Variants in GAS7 observed in about 807,000 individuals in gnomAD.
The protein encoded by GAS7 is growth arrest-specific protein 7.
Under a neutral mutation model 71.1 loss-of-function variants are expected in GAS7, and 28 were observed. That is an observed-to-expected ratio of 0.39 (90% CI 0.29 to 0.54). The LOEUF (loss-of-function observed/expected upper bound fraction) is 0.54, where lower values mean the gene tolerates loss of function less well. Ranked by LOEUF, GAS7 falls within the 20% of genes least tolerant of loss-of-function variation. The pLI is 0.62. For synonymous variants in GAS7, 258 were observed against 245.8 expected (o/e 1.05, Z -0.46); for missense variants, 436 against 627.8 (o/e 0.69, Z 3.27).
chr17:10,141,325 G>C (rs1008591923), intron 1 of GAS7, among the ~76,000 whole-genome samples: 8 of 152,174 alleles, frequency 5.3e-5, no homozygotes, highest in Admixed American at 5.2e-4. Context: ...GCGGGAGCCT[G>C]TAGTCCCAGC....
intron 1 of GAS7, among the ~76,000 whole-genome samples, chr17:10,057,398 G>A (rs1414333168): frequency 1.3e-5 from 2 of 151,016 alleles, no homozygotes; most frequent in African/African-American, 2.4e-5. Flanking sequence ...GAGCGCCTCT[G>A]CCCTGCCGCC....
Position 10,008,968 on chromosome 17 carries a change from T to C in GAS7, c.304+10809A>G, listed in dbSNP as rs577776437. On this transcript the variant is annotated intron_variant, in intron 2 of 13. Coordinates refer to ENST00000432992, the MANE Select transcript of GAS7 (RefSeq NM_201433.2). Reference sequence around the variant, plus strand: ...ATTAACACGGAATTATCAGGGCCATTCATTCTATTTGGGGAGTTAGAAAAG... The same window carrying C: ...ATTAACACGGAATTATCAGGGCCATCCATTCTATTTGGGGAGTTAGAAAAG... Among the ~76,000 whole-genome samples the C allele has an allele frequency of 2.0e-5, 3 of 152,312 alleles. No homozygotes were observed. The South Asian group carries it at 6.2e-4, about 32-fold the overall frequency.
intron 9 of GAS7, among the ~76,000 whole-genome samples, chr17:9,933,104 G>A (rs556354991): frequency 1.5e-4 from 23 of 152,080 alleles, no homozygotes; most frequent in Middle Eastern, 3.4e-3. Flanking sequence ...CCCGGGAGGC[G>A]GAGCTTGCAG....
intron 1 of GAS7, among the ~76,000 whole-genome samples, chr17:10,092,776 T>A (rs2152256895): frequency 6.6e-6 from 1 of 152,346 alleles, no homozygotes; most frequent in South Asian, 2.1e-4. Context: ...CCAGATTCTC[T>A]GGTAGCTGCC....
At chr17:10,087,488 C>T (rs929742382) in intron 1 of GAS7, among the ~76,000 whole-genome samples, 30 of 152,190 alleles carry the variant, frequency 2.0e-4, no homozygotes, top group Non-Finnish European at 3.4e-4. Flanking sequence ...TTGCATGCTG[C>T]AGACAGTCAA....
At position 10,100,703 on chromosome 17, in the gene GAS7, T is replaced by TC. The variant is rs571673700; in HGVS notation, c.184-80807dup. On this transcript the variant is annotated intron_variant, in intron 1 of 13. Transcript: ENST00000432992. ...TGCTAGGTGACTTTCCTGGTTTTTT[T>TC]CCCCTCTTTGGAATTACGAAGTTTT... is the stretch of plus-strand genomic sequence containing the variant. 1.9e-3 allele frequency among the ~76,000 whole-genome samples: 285 copies of TC among 152,242 alleles called. 1 individual carries two copies. The highest frequency in any genetic ancestry group is 6.3e-3 in the African/African-American group (261 of 41,532).
intron 1 of GAS7, among the ~76,000 whole-genome samples, chr17:10,131,139 T>C (rs568490982): frequency 9.2e-5 from 14 of 152,294 alleles, no homozygotes; most frequent in African/African-American, 3.4e-4. Flanking sequence ...TACCCAGAAC[T>C]TTTCTTCCTC....
At chr17:10,145,729 G>C (rs2074116221) in intron 1 of GAS7, among the ~76,000 whole-genome samples, 2 of 152,142 alleles carry the variant, frequency 1.3e-5, no homozygotes, top group Admixed American at 1.3e-4. Flanking sequence ...GGCTTTAGGG[G>C]CCAGGGCAGA....
At chr17:9,933,797 A>G (rs368169970) in intron 9 of GAS7, among the ~76,000 whole-genome samples, 2 of 152,188 alleles carry the variant, frequency 1.3e-5, no homozygotes, top group African/African-American at 4.8e-5. Context: ...GTGAGCTATG[A>G]TCATGTCACT....
chr17:10,161,371 C>T (rs981990707), intron 1 of GAS7, among the ~76,000 whole-genome samples: 1 of 152,160 alleles, frequency 6.6e-6, no homozygotes, highest in South Asian at 2.1e-4. Context: ...CAGCTCCAAC[C>T]AATAGTTCAC....
At chr17:10,036,741 T>A in intron 1 of GAS7, 1 of 1,235,628 alleles carries the variant, frequency 8.1e-7, no homozygotes, top group Non-Finnish European at 1.0e-6. Flanking sequence ...CCAGATGCAA[T>A]GTTTCTGGAG....
At chr17:9,946,646 T>G (rs1178159904) in intron 6 of GAS7, among the ~76,000 whole-genome samples, 1 of 152,196 alleles carries the variant, frequency 6.6e-6, no homozygotes, top group Non-Finnish European at 1.5e-5. Flanking sequence ...GCCCCCCGCT[T>G]ACCTACATTC....
chr17:10,145,883 G>T (rs979530144), intron 1 of GAS7, among the ~76,000 whole-genome samples: 2 of 152,146 alleles, frequency 1.3e-5, no homozygotes, highest in African/African-American at 4.8e-5. Context: ...GTTTTTGTGG[G>T]AGCAAGAACA....
chr17:9,928,803 G>A (rs964780322), intron 9 of GAS7, among the ~76,000 whole-genome samples: 3 of 152,220 alleles, frequency 2.0e-5, no homozygotes, highest in Admixed American at 6.5e-5. Flanking sequence ...TGTGCCCAGT[G>A]TCTGACCTGG....
rs61578754 is a variant in GAS7, at chr17:10,160,939, T to TACACACACACACACACAC, written c.183+37251_183+37268dup. 6.4e-4 allele frequency among the ~76,000 whole-genome samples: 89 copies of TACACACACACACACACAC among 139,696 alleles called. 1 individual carries two copies. The highest frequency in any genetic ancestry group is 1.5e-3 in the Admixed American group (20 of 13,618). 91.6% of individuals were successfully genotyped at this position (139,696 alleles called of 152,430 possible). Reference sequence around the variant, plus strand: ...TTGGAAGCCATAGAAATTGAAACCATACACACACACACACACACACACACA... The same window carrying TACACACACACACACACAC: ...TTGGAAGCCATAGAAATTGAAACCATACACACACACACACACACACACACACACACACACACACACACA... On this transcript the variant is annotated intron_variant, in intron 1 of 13. Transcript: ENST00000432992.
In GAS7 at chr17:9,960,655, T is replaced by C. The variant is rs544718446; in HGVS notation, c.472-1400A>G. 1.5e-4 allele frequency among the ~76,000 whole-genome samples: 23 copies of C among 152,264 alleles called. No individual in the cohort carries two copies. In the East Asian group the frequency reaches 4.3e-3, roughly 28 times the overall value. On this transcript the variant is annotated intron_variant, in intron 4 of 13. Transcript: ENST00000432992. ...CCCTGGACACCTGGCCAAATGACCATCTGCAGGTGAGGGCGAGCCTTTGCC... is the reference window on the plus strand; with the variant it reads ...CCCTGGACACCTGGCCAAATGACCACCTGCAGGTGAGGGCGAGCCTTTGCC...
At chr17:9,943,443 C>T (rs1428765182) in intron 6 of GAS7, among the ~76,000 whole-genome samples, 1 of 152,174 alleles carries the variant, frequency 6.6e-6, no homozygotes, top group Admixed American at 6.5e-5. Flanking sequence ...CAGGCTCTTA[C>T]AGTTGCTGCA....
At chr17:9,996,447 C>G (rs2071046601) in intron 2 of GAS7, among the ~76,000 whole-genome samples, 1 of 150,818 alleles carries the variant, frequency 6.6e-6, no homozygotes, top group Non-Finnish European at 1.5e-5. Flanking sequence ...GGCAGGGATA[C>G]CATTAGGAGA....
At chr17:10,142,997 C>G (rs2074094517) in intron 1 of GAS7, among the ~76,000 whole-genome samples, 1 of 144,030 alleles carries the variant, frequency 6.9e-6, no homozygotes, top group Non-Finnish European at 1.5e-5. Context: ...ATGGCGAAAC[C>G]CCATCTCTAC....
Sources: gnomAD v4.1 joint callset for allele counts (sites outside exome capture counted in the v4.1 genomes callset) on GRCh38, gnomAD v4.1.1 for gene constraint, MANE v1.5 for transcripts, NCBI Gene and HGNC (gene_info 2026-07-23, HGNC 2026-07-21) for gene names.